Variants in KCNB2 observed in about 807,000 individuals in gnomAD.
The protein encoded by KCNB2 is delayed rectifier potassium channel protein.
Under a neutral mutation model 61.5 loss-of-function variants are expected in KCNB2, and 15 were observed. That is an observed-to-expected ratio of 0.24 (90% CI 0.16 to 0.38). The LOEUF (loss-of-function observed/expected upper bound fraction) is 0.38, where lower values mean the gene tolerates loss of function less well. Among genes scored for constraint, KCNB2 ranks in the 10% least tolerant of loss-of-function variants. KCNB2 has a pLI of 1.00. For synonymous variants in KCNB2, 457 were observed against 446.0 expected (o/e 1.02, Z -0.31); for missense variants, 828 against 1,125.2 (o/e 0.74, Z 3.78).
intron 2 of KCNB2, among the ~76,000 whole-genome samples, chr8:72,572,980 G>A (rs867200936): frequency 2.0e-5 from 3 of 152,114 alleles, no homozygotes; most frequent in Admixed American, 6.5e-5. Context: ...GGATCAAGTC[G>A]GGAGCTGCTG....
chr8:72,699,720 G>A (rs993740075), intron 2 of KCNB2, among the ~76,000 whole-genome samples: 1 of 151,942 alleles, frequency 6.6e-6, no homozygotes, highest in African/African-American at 2.4e-5. Context: ...GGGTTTTTAT[G>A]GTTTTGGGTT....
chr8:72,656,255 A>C (rs1422805163), intron 2 of KCNB2, among the ~76,000 whole-genome samples: 1 of 152,162 alleles, frequency 6.6e-6, no homozygotes, highest in Non-Finnish European at 1.5e-5. Context: ...TCAAGGCAAA[A>C]GATTAAAAAG....
intron 2 of KCNB2, among the ~76,000 whole-genome samples, chr8:72,644,702 A>T (rs993785774): frequency 6.6e-6 from 1 of 152,172 alleles, no homozygotes; most frequent in African/African-American, 2.4e-5. Flanking sequence ...ATTATCTTAC[A>T]ATTTAATTTT....
At chr8:72,906,054 G>A (rs1490788583) in intron 2 of KCNB2, among the ~76,000 whole-genome samples, 1 of 152,140 alleles carries the variant, frequency 6.6e-6, no homozygotes, top group Non-Finnish European at 1.5e-5. Flanking sequence ...CAACATTTTT[G>A]TTAATTTGTC....
chr8:72,588,907 C>G (rs184544820), intron 2 of KCNB2, among the ~76,000 whole-genome samples: 1 of 151,876 alleles, frequency 6.6e-6, no homozygotes. Flanking sequence ...AAAACAAGAA[C>G]AACAACAAAG....
chr8:72,677,236 A>G (rs1345551335), intron 2 of KCNB2, among the ~76,000 whole-genome samples: 2 of 152,170 alleles, frequency 1.3e-5, no homozygotes, highest in East Asian at 3.9e-4. Flanking sequence ...AGTCCTGCTG[A>G]CACCTTGATC....
At chr8:72,927,117 G>A (rs944663812) in intron 2 of KCNB2, among the ~76,000 whole-genome samples, 11 of 152,138 alleles carry the variant, frequency 7.2e-5, no homozygotes, top group African/African-American at 2.4e-4. Context: ...AGCCAGTGCT[G>A]CTGGAGTGAT....
intron 2 of KCNB2, among the ~76,000 whole-genome samples, chr8:72,932,042 G>A (rs1440180577): frequency 6.6e-6 from 1 of 150,722 alleles, no homozygotes; most frequent in East Asian, 2.0e-4. Flanking sequence ...AAACTCCTGA[G>A]ACAGTGAGAT....
intron 2 of KCNB2, among the ~76,000 whole-genome samples, chr8:72,579,136 C>G (rs992996076): frequency 6.6e-6 from 1 of 152,216 alleles, no homozygotes; most frequent in Admixed American, 6.5e-5. Context: ...TCTCTACATA[C>G]CTGCTTCTTA....
chr8:72,739,900 T>C (rs1341119915), intron 2 of KCNB2, among the ~76,000 whole-genome samples: 1 of 152,152 alleles, frequency 6.6e-6, no homozygotes, highest in Non-Finnish European at 1.5e-5. Flanking sequence ...CACATAAAGT[T>C]GTGCCATGTA....
intron 2 of KCNB2, among the ~76,000 whole-genome samples, chr8:72,833,231 T>G (rs1030985): frequency 0.67 from 102,296 of 151,894 alleles, 34,736 homozygotes; most frequent in East Asian, 0.91. Flanking sequence ...TTTTAAAGAA[T>G]AAAAATAGGA....
At chr8:72,801,081 C>T (rs1295942290) in intron 2 of KCNB2, among the ~76,000 whole-genome samples, 1 of 152,152 alleles carries the variant, frequency 6.6e-6, no homozygotes, top group Non-Finnish European at 1.5e-5. Context: ...TTTCTGCCCC[C>T]TACCCCCACT....
chr8:72,934,194 G>A (rs929881027), intron 2 of KCNB2, among the ~76,000 whole-genome samples: 6 of 151,814 alleles, frequency 4.0e-5, no homozygotes, highest in Admixed American at 2.0e-4. Flanking sequence ...GCGAAACCCC[G>A]TATCTACTAA....
At chr8:72,867,087 T>C (rs1291679128) in intron 2 of KCNB2, among the ~76,000 whole-genome samples, 4 of 152,196 alleles carry the variant, frequency 2.6e-5, no homozygotes, top group Non-Finnish European at 5.9e-5. Context: ...ATAGTAGGAG[T>C]TTAATAAATA....
intron 2 of KCNB2, among the ~76,000 whole-genome samples, chr8:72,734,986 T>G (rs1807815811): frequency 6.6e-6 from 1 of 152,178 alleles, no homozygotes; most frequent in South Asian, 2.1e-4. Flanking sequence ...ATTTGATAGG[T>G]GGCTTCCACT....
At chr8:72,774,836 C>T (rs1808619889) in intron 2 of KCNB2, among the ~76,000 whole-genome samples, 1 of 151,998 alleles carries the variant, frequency 6.6e-6, no homozygotes, top group Non-Finnish European at 1.5e-5. Context: ...AATTCCAGTG[C>T]CTCCTATTTA....
intron 1 of KCNB2, among the ~76,000 whole-genome samples, chr8:72,567,053 G>A (rs899652878): frequency 2.0e-5 from 3 of 152,044 alleles, no homozygotes; most frequent in African/African-American, 7.3e-5. Flanking sequence ...GAGGTGCAGC[G>A]GCTCACCCTG....
At chr8:72,773,411 C>G (rs1215402792) in intron 2 of KCNB2, among the ~76,000 whole-genome samples, 1 of 152,118 alleles carries the variant, frequency 6.6e-6, no homozygotes, top group Non-Finnish European at 1.5e-5. Context: ...ACATGCAATC[C>G]CATAGAAAGC....
chr8:72,646,343 A>AT (rs1554581498), intron 2 of KCNB2, among the ~76,000 whole-genome samples: 1 of 152,066 alleles, frequency 6.6e-6, no homozygotes, highest in African/African-American at 2.4e-5. Context: ...TAAGAGACAT[A>AT]TTTTTTTCTA....
Sources: allele counts gnomAD v4.1 joint callset (sites outside exome capture counted in the v4.1 genomes callset), GRCh38; gene constraint gnomAD v4.1.1; transcripts MANE v1.5; gene names NCBI Gene and HGNC (gene_info 2026-07-23, HGNC 2026-07-21).